RELN: variants seen among roughly 807,000 people sequenced by gnomAD.
The protein encoded by RELN is reelin.
RELN carries 108 observed loss-of-function variants against 427.6 expected under a neutral mutation model. The ratio of observed to expected loss-of-function variants is 0.25; its 90% confidence interval spans 0.22 to 0.30. The LOEUF (loss-of-function observed/expected upper bound fraction) is 0.30, where lower values mean the gene tolerates loss of function less well. Ranked by LOEUF, RELN falls within the 10% of genes least tolerant of loss-of-function variation. The pLI is 1.00. For synonymous variants in RELN, 1,524 were observed against 1,513.4 expected (o/e 1.01, Z -0.16); for missense variants, 3,715 against 4,302.8 (o/e 0.86, Z 3.82).
chr7:103,637,919 G>A (rs1395801593), intron 17 of RELN, among the ~76,000 whole-genome samples: 1 of 152,078 alleles, frequency 6.6e-6, no homozygotes, highest in Non-Finnish European at 1.5e-5. Context: ...TGTCTTCTCA[G>A]GACAAGTGAC....
chr7:103,800,345 GACAA>G (rs1393269957), intron 3 of RELN, among the ~76,000 whole-genome samples: 2 of 152,152 alleles, frequency 1.3e-5, no homozygotes, highest in South Asian at 2.1e-4. Flanking sequence ...ACCAATAACA[GACAA>G]ACAGAGAGCC....
chr7:103,851,831 A>G (rs1229070244), intron 2 of RELN, among the ~76,000 whole-genome samples: 2 of 152,240 alleles, frequency 1.3e-5, no homozygotes, highest in Non-Finnish European at 2.9e-5. Flanking sequence ...AGTAGGCATT[A>G]TTCAATCGGA....
chr7:103,859,441 C>A (rs1171572657), intron 2 of RELN, among the ~76,000 whole-genome samples: 2 of 151,934 alleles, frequency 1.3e-5, no homozygotes, highest in Non-Finnish European at 2.9e-5. Context: ...CTACAGGCAC[C>A]CACCACCACG....
chr7:103,664,897 CT>C (rs1389452403), intron 11 of RELN, among the ~76,000 whole-genome samples: 3 of 151,902 alleles, frequency 2.0e-5, no homozygotes, highest in African/African-American at 7.3e-5. Context: ...CTGTATTGTA[CT>C]TTTTTTCACT....
intron 3 of RELN, among the ~76,000 whole-genome samples, chr7:103,827,282 G>T (rs39352): frequency 0.37 from 55,854 of 151,708 alleles, 10,670 homozygotes; most frequent in Non-Finnish European, 0.42. Context: ...CTCCAGAAGA[G>T]TCCCCTAATA....
intron 4 of RELN, among the ~76,000 whole-genome samples, chr7:103,759,603 G>A (rs946886654): frequency 1.8e-4 from 27 of 152,058 alleles, no homozygotes; most frequent in Non-Finnish European, 2.9e-4. Context: ...TGGGAAAGGT[G>A]AAAAATTATT....
intron 12 of RELN, among the ~76,000 whole-genome samples, chr7:103,654,546 T>C (rs1375314036): frequency 6.6e-6 from 1 of 152,098 alleles, no homozygotes; most frequent in Non-Finnish European, 1.5e-5. Context: ...ATTTCCTTAA[T>C]TTGAGGTTTT....
chr7:103,600,465 T>C lies in RELN; in HGVS notation c.3333+2839A>G, dbSNP rs141918664. Among the ~76,000 whole-genome samples, 344 of 152,294 alleles carry C rather than the reference T, an allele frequency of 2.3e-3. 6 individuals carry two copies. Among genetic ancestry groups the C allele is most frequent in the African/African-American group, 7.9e-3 (328 of 41,562 alleles). The stretch of plus-strand genomic sequence containing the variant: ...GGAAAGCCCTGTGGCTGTGGTTCCA[T>C]TCTCATAGTGAGAGCTGGCCTGCAA... On this transcript the variant is annotated intron_variant, in intron 24 of 64. Coordinates refer to ENST00000428762, the MANE Select transcript of RELN (RefSeq NM_005045.4).
In RELN at chr7:103,753,183, T is replaced by C. The variant is rs142874980; in HGVS notation, c.576A>G (p.Leu192=). The C allele has an allele frequency of 1.8e-4, 287 of 1,613,972 alleles. 1 individual carries two copies. The highest frequency in any genetic ancestry group is 1.4e-3 in the South Asian group (130 of 91,072). ...APTDVTVHPH[L]AEIHSDSIIL... ...GACATCAGAGTCTTAAACACTTACC[T>C]AGATGTGGGTGCACAGTGACATCTG... Residue 192 remains leucine (L), a splice_region_variant and synonymous_variant, in exon 5 of 65, where the codon CTA becomes CTG. Transcript: ENST00000428762.
chr7:103,624,395 C>T (rs1832283074), intron 20 of RELN, among the ~76,000 whole-genome samples: 1 of 152,044 alleles, frequency 6.6e-6, no homozygotes, highest in Non-Finnish European at 1.5e-5. Flanking sequence ...TCGTCACATA[C>T]CACTCAATGT....
At chr7:103,549,038 A>G (rs1479668846) in intron 41 of RELN, among the ~76,000 whole-genome samples, 1 of 152,026 alleles carries the variant, frequency 6.6e-6, no homozygotes, top group Non-Finnish European at 1.5e-5. Flanking sequence ...TCTTAGCTGG[A>G]TAATTGGAGG....
At chr7:103,892,899 A>G (rs545812569) in intron 2 of RELN, among the ~76,000 whole-genome samples, 3 of 152,156 alleles carry the variant, frequency 2.0e-5, no homozygotes, top group African/African-American at 4.8e-5. Context: ...ATTCACAAAT[A>G]TAACAGGAAA....
At chr7:103,773,458 CCTCTCT>C (rs767597344) in intron 4 of RELN, among the ~76,000 whole-genome samples, 17 of 120,766 alleles carry the variant, frequency 1.4e-4, no homozygotes, top group African/African-American at 4.7e-4. Context: ...TCGCTCCCTC[CCTCTCT>C]CTCTCTCTCT....
intron 26 of RELN, among the ~76,000 whole-genome samples, 156 bp downstream of exon 26, chr7:103,594,165 G>T (rs951827209): frequency 6.6e-6 from 1 of 152,180 alleles, no homozygotes; most frequent in African/African-American, 2.4e-5. Flanking sequence ...TATCTGTGAA[G>T]TGGTAGCATA....
At chr7:103,503,501 T>C (rs942166214) in intron 51 of RELN, among the ~76,000 whole-genome samples, 1 of 152,228 alleles carries the variant, frequency 6.6e-6, no homozygotes, top group Non-Finnish European at 1.5e-5. Flanking sequence ...CTGAATGCCT[T>C]GGAAGGCCTG....
At chr7:103,817,243 T>A (rs1387219591) in intron 3 of RELN, among the ~76,000 whole-genome samples, 1 of 152,222 alleles carries the variant, frequency 6.6e-6, no homozygotes, top group Non-Finnish European at 1.5e-5. Context: ...TTTATTCACA[T>A]CAAGTTAGCA....
chr7:103,712,154 C>T (rs1236518720), intron 8 of RELN, among the ~76,000 whole-genome samples: 5 of 152,144 alleles, frequency 3.3e-5, no homozygotes, highest in South Asian at 2.1e-4. Context: ...CACAAGCACA[C>T]GAACCTGCAG....
At chr7:103,734,675 C>G (rs1435281753) in intron 6 of RELN, among the ~76,000 whole-genome samples, 1 of 152,126 alleles carries the variant, frequency 6.6e-6, no homozygotes, top group Non-Finnish European at 1.5e-5. Context: ...TCATCACTCC[C>G]TCATGATGAT....
At chr7:103,652,795 C>G (rs1832949912) in intron 13 of RELN, 36 bp from the exon 14 acceptor site, 1 of 1,584,616 alleles carries the variant, frequency 6.3e-7, no homozygotes. Flanking sequence ...ACTCAAAATC[C>G]TTTCTAGGCT....
Sources: gnomAD v4.1 joint callset for allele counts (sites outside exome capture counted in the v4.1 genomes callset) on GRCh38, gnomAD v4.1.1 for gene constraint, MANE v1.5 for transcripts, NCBI Gene and HGNC (gene_info 2026-07-23, HGNC 2026-07-21) for gene names.